UGT1A3: variants seen among roughly 807,000 people sequenced by gnomAD.
UGT1A3 encodes the protein UDP-glucuronosyltransferase 1A3.
In UGT1A3, 31 loss-of-function variants were observed where a neutral mutation model predicts 41.0. The observed-to-expected ratio is 0.76, with a 90% CI of 0.57 to 1.02. The LOEUF (loss-of-function observed/expected upper bound fraction) is 1.02. UGT1A3 is among the 50% of genes least tolerant of loss of function. UGT1A3 has a pLI of 0.00. For missense variants in UGT1A3, 737 were observed against 671.0 expected (o/e 1.10, Z -1.09); for synonymous variants, 262 against 257.6 (o/e 1.02, Z -0.17).
At chr2:233,730,055 T>G in intron 1 of UGT1A3, 62 bp downstream of exon 1, 1 of 1,611,964 alleles carries the variant, frequency 6.2e-7, no homozygotes, top group Non-Finnish European at 8.5e-7. Context: ...AAAAAATGTA[T>G]TTATTTAAAA....
chr2:233,730,559 G>A (rs1203367462), intron 1 of UGT1A3, among the ~76,000 whole-genome samples: 1 of 152,170 alleles, frequency 6.6e-6, no homozygotes, highest in Non-Finnish European at 1.5e-5. Context: ...ATTAGAGAAT[G>A]ACACACGAAG....
intron 1 of UGT1A3, among the ~76,000 whole-genome samples, chr2:233,763,107 T>C (rs2126002075): frequency 6.6e-6 from 1 of 152,392 alleles, no homozygotes; most frequent in East Asian, 1.9e-4. Context: ...CACCGAACTT[T>C]ATCAGCTGCC....
chr2:233,732,988 A>G (rs1229388151), intron 1 of UGT1A3, among the ~76,000 whole-genome samples: 2 of 152,034 alleles, frequency 1.3e-5, no homozygotes, highest in Non-Finnish European at 2.9e-5. Flanking sequence ...TATTTCGTTG[A>G]GCAGTGGTTT....
chr2:233,760,639 A>G, intron 1 of UGT1A3: 1 of 1,614,156 alleles, frequency 6.2e-7, no homozygotes, highest in African/African-American at 1.3e-5. Context: ...GAAAATAAAA[A>G]AGGACTCTGC....
At chr2:233,755,420 G>A (rs187061066) in intron 1 of UGT1A3, 126 of 320,310 alleles carry the variant, frequency 3.9e-4, no homozygotes, top group African/African-American at 1.9e-3. Context: ...GCCTGTGAGC[G>A]CCTCGCATCC....
chr2:233,737,268 C>T (rs1008079233), intron 1 of UGT1A3, among the ~76,000 whole-genome samples: 4 of 152,268 alleles, frequency 2.6e-5, no homozygotes, highest in African/African-American at 9.6e-5. Context: ...CAATGGCGGA[C>T]ACCCCTCACC....
rs375082638 is a variant in UGT1A3 at position 233,764,736 on chromosome 2, G to A, written c.868-2298G>A. Among the ~76,000 whole-genome samples the A allele has an allele frequency of 2.0e-5, 3 of 152,156 alleles. 1 individual carries two copies. The East Asian group carries it at 5.8e-4, about 29-fold the overall frequency. On this transcript the variant is annotated intron_variant, in intron 1 of 4. Coordinates refer to ENST00000482026, the MANE Select transcript of UGT1A3 (RefSeq NM_019093.4). ...CCCAAGAAAGAGGGAGAGAAAGAGGGGAGAGATGTGGTGCAGACCCTAGGG... is the reference window on the plus strand; with the variant it reads ...CCCAAGAAAGAGGGAGAGAAAGAGGAGAGAGATGTGGTGCAGACCCTAGGG...
rs1354491814 is a variant in UGT1A3 at position 233,754,735 on chromosome 2, A to G, written c.868-12299A>G. 4.6e-6 allele frequency: 3 copies of G among 652,332 alleles called. No homozygotes were observed. In the Admixed American group the frequency reaches 7.0e-5, roughly 15 times the overall value. The allele number at this position is 652,332 out of a possible 1,614,324, so 40.4% of individuals were successfully genotyped here. ...AAGCTGCCTGTCCCATCACTACCGT[A>G]GGACATGCAGAAGGAAGAAAGGCCC... On this transcript the variant is annotated intron_variant, in intron 1 of 4. Transcript: ENST00000482026.
Position 233,768,364 on chromosome 2 carries a change from G to T in UGT1A3, c.1232G>T (p.Gly411Val). 1 of 1,614,172 alleles carries T rather than the reference G, an allele frequency of 6.2e-7. No homozygotes were observed. Among genetic ancestry groups the T allele is most frequent in the Non-Finnish European group, 8.5e-7 (1 of 1,180,034 alleles). ...NAKRMETKGA[G>V]VTLNVLEMTS... ...AAGCGCATGGAGACTAAGGGAGCTG[G>T]AGTGACCCTGAATGTTCTGGAAATG... Residue 411 changes from glycine to valine, a missense_variant, in exon 4 of 5, where the codon GGA (glycine) becomes GTA (valine). Coordinates refer to ENST00000482026, the MANE Select transcript of UGT1A3 (RefSeq NM_019093.4).
rs1358825451 is a variant in UGT1A3, at chr2:233,772,781, A to T, written c.*222A>T. ...TATCGTGCCCCCTCTGGTGTCTTTG[A>T]TCAGGATGACATGTGCCATTTTTCA... On this transcript the variant is annotated 3_prime_UTR_variant, in exon 5 of 5. Transcript: ENST00000482026. The T allele has an allele frequency of 2.3e-6, 3 of 1,287,486 alleles. No homozygotes were observed. Among genetic ancestry groups the T allele is most frequent in the Non-Finnish European group, 3.1e-6 (3 of 975,386 alleles). The allele number at this position is 1,287,486 out of a possible 1,614,324, so 79.8% of individuals were successfully genotyped here.
Position 233,769,827 on chromosome 2 carries a change from C to A in UGT1A3, c.1307+1388C>A, listed in dbSNP as rs926014830. ...CCGTGATCATGCCACTGCACTCCAGCAACCTGGGCAACAGAGTGAGACCCT... is the reference window on the plus strand; with the variant it reads ...CCGTGATCATGCCACTGCACTCCAGAAACCTGGGCAACAGAGTGAGACCCT... On this transcript the variant is annotated intron_variant, in intron 4 of 4. Transcript: ENST00000482026. This position sits in a 1 kb window ranked among gnomAD's most constrained non-coding sequence, Gnocchi z 4.4. 26 of 649,106 alleles carry A rather than the reference C, an allele frequency of 4.0e-5. No individual in the cohort carries two copies. The highest frequency in any genetic ancestry group is 5.2e-5 in the Non-Finnish European group (23 of 440,480). 40.2% of individuals were successfully genotyped at this position (649,106 alleles called of 1,614,324 possible). A position where few individuals can be genotyped will look rare whatever the true frequency, so the allele number is the denominator to read the frequency against.
intron 4 of UGT1A3, 140 bp downstream of exon 4, chr2:233,768,579 CTTCTT>C (rs1699651499): frequency 9.6e-6 from 9 of 934,870 alleles, no homozygotes; most frequent in Non-Finnish European, 1.1e-5. Flanking sequence ...ATTTTTATTT[CTTCTT>C]TTTTTTTTTT....
At chr2:233,746,920 C>A (rs1023587712) in intron 1 of UGT1A3, among the ~76,000 whole-genome samples, 10 of 151,720 alleles carry the variant, frequency 6.6e-5, no homozygotes, top group Admixed American at 4.6e-4. Context: ...TTTCCACAGG[C>A]CTTTGTTGGG....
intron 1 of UGT1A3, among the ~76,000 whole-genome samples, chr2:233,761,350 G>A (rs572501988): frequency 2.6e-5 from 4 of 152,266 alleles, no homozygotes; most frequent in South Asian, 2.1e-4. Context: ...CTGAGATTTC[G>A]GGAAAGCATT....
rs751107175 is a variant in UGT1A3, at chr2:233,761,195, A to G, written c.868-5839A>G. On this transcript the variant is annotated intron_variant, in intron 1 of 4. Coordinates refer to ENST00000482026, the MANE Select transcript of UGT1A3 (RefSeq NM_019093.4). ...CTTTTACATGCGTATATTCTTTCAG[A>G]TGTATTACTTTGGATCGATTAACTA... The G allele has an allele frequency of 4.3e-6, 7 of 1,613,994 alleles. No individual in the cohort carries two copies. The African/African-American group carries it at 8.0e-5, about 18-fold the overall frequency.
chr2:233,751,852 T>C (rs1461134305), intron 1 of UGT1A3, among the ~76,000 whole-genome samples: 2 of 152,196 alleles, frequency 1.3e-5, no homozygotes, highest in East Asian at 1.9e-4. Context: ...TTTAAACCTT[T>C]GTCTTTTATA....
intron 1 of UGT1A3, chr2:233,754,258 T>A: frequency 5.9e-6 from 1 of 170,430 alleles, no homozygotes; most frequent in South Asian, 1.4e-4. Flanking sequence ...CGGAAAAAGG[T>A]AAGGCTCAAA....
At chr2:233,754,114 G>C (rs1442882252) in intron 1 of UGT1A3, among the ~76,000 whole-genome samples, 2 of 152,128 alleles carry the variant, frequency 1.3e-5, no homozygotes, top group Non-Finnish European at 2.9e-5. Flanking sequence ...CCTACATCAC[G>C]AGCATTTATG....
rs1042595424 is a variant in UGT1A3 at position 233,772,592 on chromosome 2, C to T, written c.*33C>T. On this transcript the variant is annotated 3_prime_UTR_variant, in exon 5 of 5. Transcript: ENST00000482026. ...GTGGGAAATAAGGTAAAATTTTGAA[C>T]CATTCCCTAGTCATTTCCAAACTTG... The T allele has an allele frequency of 7.5e-6, 12 of 1,599,668 alleles. No homozygotes were observed. The highest frequency in any genetic ancestry group is 1.3e-5 in the African/African-American group (1 of 74,558).
Sources: allele counts gnomAD v4.1 joint callset (sites outside exome capture counted in the v4.1 genomes callset), GRCh38; gene constraint gnomAD v4.1.1; non-coding constraint Gnocchi (gnomAD v3.1); transcripts MANE v1.5; gene names NCBI Gene and HGNC (gene_info 2026-07-23, HGNC 2026-07-21).